PCCA: variants seen among roughly 807,000 people sequenced by gnomAD.
PCCA encodes the protein propionyl-CoA carboxylase subunit alpha, also known as propionyl-CoA carboxylase alpha chain, mitochondrial.
In PCCA, 74 loss-of-function variants were observed where a neutral mutation model predicts 101.3. The ratio of observed to expected loss-of-function variants is 0.73; its 90% CI spans 0.61 to 0.89. PCCA has a LOEUF of 0.89. PCCA is among the 40% of genes least tolerant of loss of function. PCCA has a pLI of 0.00. For synonymous variants in PCCA, 294 were observed against 313.6 expected, an observed-to-expected ratio of 0.94 and a Z score of 0.66; for missense variants, 891 against 907.0, an observed-to-expected ratio of 0.98 and a Z score of 0.23.
chr13:100,125,135 TTGTG>T (rs3034643), intron 4 of PCCA, among the ~76,000 whole-genome samples: 139 of 148,852 alleles, frequency 9.3e-4, no homozygotes, highest in Non-Finnish European at 1.0e-3. Context: ...GACCTTTTAT[TTGTG>T]TGTGTGTGTG....
intron 6 of PCCA, among the ~76,000 whole-genome samples, chr13:100,162,472 T>A (rs1011857605): frequency 3.3e-5 from 5 of 152,208 alleles, no homozygotes; most frequent in African/African-American, 1.2e-4. Context: ...GCATTGGAAC[T>A]GGGCTGGGCC....
intron 20 of PCCA, among the ~76,000 whole-genome samples, chr13:100,443,610 T>G (rs1260736386): frequency 6.6e-6 from 1 of 152,084 alleles, no homozygotes; most frequent in Non-Finnish European, 1.5e-5. Context: ...TGAAGCTGAA[T>G]GCACAGACTT....
intron 19 of PCCA, among the ~76,000 whole-genome samples, chr13:100,422,712 A>G (rs1386969494): frequency 2.0e-5 from 3 of 151,806 alleles, no homozygotes; most frequent in African/African-American, 7.3e-5. Flanking sequence ...AGTCACATTT[A>G]TTCTATTTTT....
chr13:100,350,175 A>G lies in PCCA; in HGVS notation c.1643+9916A>G, dbSNP rs72658567. 7.3e-3 allele frequency among the ~76,000 whole-genome samples: 1,105 copies of G among 152,348 alleles called. 7 individuals carry two copies. The highest frequency in any genetic ancestry group is 0.012 in the Non-Finnish European group (849 of 68,034). On this transcript the variant is annotated intron_variant, in intron 18 of 23. Coordinates refer to ENST00000376285, the MANE Select transcript of PCCA (RefSeq NM_000282.4). ...GAAAAGCCGGTATTGTTGAACGGGT[A>G]CATACTGGCTCTTTTACTAAGATGT...
At chr13:100,148,816 A>G (rs1344055054) in intron 4 of PCCA, among the ~76,000 whole-genome samples, 1 of 152,216 alleles carries the variant, frequency 6.6e-6, no homozygotes, top group African/African-American at 2.4e-5. Flanking sequence ...GAATTTTGCA[A>G]CTGGCAAAAA....
intron 2 of PCCA, among the ~76,000 whole-genome samples, chr13:100,103,873 T>C (rs968136934): frequency 6.6e-6 from 1 of 152,094 alleles, no homozygotes; most frequent in Non-Finnish European, 1.5e-5. Flanking sequence ...TGACCTCAGG[T>C]CATCCGCCTG....
Position 100,309,890 on chromosome 13 carries a change from G to T in PCCA, c.1411G>T (p.Asp471Tyr). The T allele has an allele frequency of 6.2e-7, 1 of 1,610,160 alleles. No individual in the cohort carries two copies. The highest frequency in any genetic ancestry group is 8.5e-7 in the Non-Finnish European group (1 of 1,176,494). ...EALKRMADALDNYVIRGVTHN... is the reference protein window; with the variant it reads ...EALKRMADALYNYVIRGVTHN... ...ACTGAAGAGAATGGCAGATGCACTG[G>T]ATAACTATGTTATTCGAGGTAAAAA... Residue 471 changes from aspartate (D) to tyrosine (Y), a missense_variant, in exon 16 of 24, where the codon GAT becomes TAT. Asp to Tyr is a radical substitution (Grantham distance 160). Coordinates refer to ENST00000376285, the MANE Select transcript of PCCA (RefSeq NM_000282.4).
rs565934220 is a variant in PCCA at position 100,384,625 on chromosome 13, C to T, written c.1746+16051C>T. ...TTCTTTTAAAGAGTTAATTTTGGAA[C>T]ATCTTTTGTTCAAAAAATAGAACAT... On this transcript the variant is annotated intron_variant, in intron 19 of 23. Coordinates refer to ENST00000376285, the MANE Select transcript of PCCA (RefSeq NM_000282.4). Among the ~76,000 whole-genome samples, 30 of 152,150 alleles carry T rather than the reference C, an allele frequency of 2.0e-4. No homozygotes were observed. In the South Asian group the frequency reaches 6.0e-3, roughly 31 times the overall value.
At chr13:100,452,364 C>T (rs1281549162) in intron 21 of PCCA, among the ~76,000 whole-genome samples, 1 of 152,116 alleles carries the variant, frequency 6.6e-6, no homozygotes, top group Non-Finnish European at 1.5e-5. Flanking sequence ...TGCCATGCTA[C>T]TCCCTAGTCC....
Position 100,264,194 on chromosome 13 carries a change from A to C in PCCA, c.819+1363A>C, listed in dbSNP as rs193296469. Among the ~76,000 whole-genome samples, 132 of 88,828 alleles carry C rather than the reference A, an allele frequency of 1.5e-3. 23 individuals are homozygous for C. The highest frequency in any genetic ancestry group is 1.8e-3 in the Non-Finnish European group (72 of 39,918). 58.3% of individuals were successfully genotyped at this position (88,828 alleles called of 152,430 possible). Reference sequence around the variant, plus strand: ...TATCGTATATATGTGATATCTGTATATCATATATGTGATATCTGTATCTCA... The same window carrying C: ...TATCGTATATATGTGATATCTGTATCTCATATATGTGATATCTGTATCTCA... On this transcript the variant is annotated intron_variant, in intron 10 of 23. Transcript: ENST00000376285.
chr13:100,458,440 TACACAC>T (rs777836240), intron 21 of PCCA, among the ~76,000 whole-genome samples: 6,313 of 118,598 alleles, frequency 0.053, 184 homozygotes, highest in Middle Eastern at 0.083. Context: ...CACACACACA[TACACAC>T]ACACACACAC....
At chr13:100,124,526 G>T (rs7329721) in intron 4 of PCCA, among the ~76,000 whole-genome samples, 18,733 of 152,084 alleles carry the variant, frequency 0.12, 1,350 homozygotes, top group African/African-American at 0.2. Flanking sequence ...GCACTCTGGG[G>T]TGATTGACAG....
rs150009442 is a variant in PCCA at position 100,369,656 on chromosome 13, C to T, written c.1746+1082C>T. ...TTTAAATGTTGTGATTCACTGTATA[C>T]GCCAAAATTGCTGAAACGTTAGATA... is the stretch of plus-strand genomic sequence containing the variant. On this transcript the variant is annotated intron_variant, in intron 19 of 23. Transcript: ENST00000376285. Among the ~76,000 whole-genome samples the T allele has an allele frequency of 1.7e-4, 26 of 152,238 alleles. No individual in the cohort carries two copies. The South Asian group carries it at 2.3e-3, about 13-fold the overall frequency.
At chr13:100,505,349 T>C (rs1566474662) in intron 21 of PCCA, among the ~76,000 whole-genome samples, 1 of 152,244 alleles carries the variant, frequency 6.6e-6, no homozygotes, top group African/African-American at 2.4e-5. Context: ...TAATTCACTA[T>C]GCTTTTAACT....
intron 16 of PCCA, among the ~76,000 whole-genome samples, chr13:100,320,843 C>A (rs1382165407): frequency 6.6e-6 from 1 of 152,158 alleles, no homozygotes; most frequent in Non-Finnish European, 1.5e-5. Flanking sequence ...CCTTGAATTC[C>A]TGGATTCAAG....
chr13:100,104,182 A>T (rs2047543630), intron 2 of PCCA, among the ~76,000 whole-genome samples: 1 of 152,154 alleles, frequency 6.6e-6, no homozygotes, highest in Non-Finnish European at 1.5e-5. Context: ...ATTATTTGAG[A>T]ATGACATGTC....
At chr13:100,258,578 A>C (rs1439066800) in intron 9 of PCCA, among the ~76,000 whole-genome samples, 1 of 151,972 alleles carries the variant, frequency 6.6e-6, no homozygotes, top group African/African-American at 2.4e-5. Context: ...TCATCTTAGG[A>C]TCTCAGGTTT....
chr13:100,489,033 C>T (rs61970538), intron 21 of PCCA, among the ~76,000 whole-genome samples: 51,554 of 151,932 alleles, frequency 0.34, 9,352 homozygotes, highest in East Asian at 0.58. Context: ...TGGCTGGGTG[C>T]GGTGGCTCAC....
intron 6 of PCCA, among the ~76,000 whole-genome samples, chr13:100,203,645 A>C (rs1217438055): frequency 6.6e-6 from 1 of 152,192 alleles, no homozygotes; most frequent in African/African-American, 2.4e-5. Flanking sequence ...ATGAGCCAGG[A>C]TTGCACCGCT....
Sources: gnomAD v4.1 joint callset for allele counts (sites outside exome capture counted in the v4.1 genomes callset) on GRCh38, gnomAD v4.1.1 for gene constraint, MANE v1.5 for transcripts, NCBI Gene and HGNC (gene_info 2026-07-23, HGNC 2026-07-21) for gene names.